The following ADGRB1 variants were observed in gnomAD, a reference collection of about 807,000 sequenced individuals.
The protein encoded by ADGRB1 is brain-specific angiogenesis inhibitor 1.
Under a neutral mutation model 175.7 loss-of-function variants are expected in ADGRB1, and 36 were observed. The ratio of observed to expected loss-of-function variants is 0.20; its 90% CI spans 0.16 to 0.27. The LOEUF (loss-of-function observed/expected upper bound fraction) is 0.27. Ranked by LOEUF, ADGRB1 falls within the 10% of genes least tolerant of loss-of-function variation. The probability of loss-of-function intolerance (pLI) is 1.00; values close to 1 mark genes in which losing one functional copy is unlikely to be tolerated. For synonymous variants in ADGRB1, 1,054 were observed against 979.4 expected (o/e 1.08, Z -1.42); for missense variants, 1,731 against 2,255.3 (o/e 0.77, Z 4.71).
intron 2 of ADGRB1, among the ~76,000 whole-genome samples, chr8:142,467,817 C>T (rs960096155): frequency 2.0e-5 from 3 of 152,194 alleles, no homozygotes; most frequent in Non-Finnish European, 2.9e-5. Context: ...GTAAAAATAT[C>T]TTGTTTCTTA....
intron 17 of ADGRB1, among the ~76,000 whole-genome samples, chr8:142,508,096 C>T (rs1413810552): frequency 6.6e-6 from 1 of 152,162 alleles, no homozygotes; most frequent in African/African-American, 2.4e-5. Flanking sequence ...CCGGGGCCTA[C>T]AGCTGAACCT....
At chr8:142,513,224 A>C (rs1160619657) in intron 18 of ADGRB1, among the ~76,000 whole-genome samples, 2 of 152,170 alleles carry the variant, frequency 1.3e-5, no homozygotes, top group South Asian at 2.1e-4. Context: ...TGGGAGCCTC[A>C]GTGTCCTCAT....
chr8:142,520,677 G>A, intron 19 of ADGRB1, 146 bp from the exon 20 acceptor site: 1 of 635,396 alleles, frequency 1.6e-6, no homozygotes, highest in Non-Finnish European at 2.9e-6. Context: ...GATGGTGGCG[G>A]TGATGATGGT....
intron 17 of ADGRB1, among the ~76,000 whole-genome samples, chr8:142,502,301 CAG>C (rs1491083358): frequency 2.6e-4 from 35 of 135,240 alleles, no homozygotes; most frequent in Non-Finnish European, 4.7e-5. Flanking sequence ...TTGATTATGA[CAG>C]TGGTGATGGT....
intron 17 of ADGRB1, among the ~76,000 whole-genome samples, chr8:142,505,494 G>A (rs1842808960): frequency 6.6e-6 from 1 of 152,100 alleles, no homozygotes; most frequent in South Asian, 2.1e-4. Context: ...CTGCACTGGG[G>A]CTGAGGGCGA....
chr8:142,533,595 C>T (rs1479876298), intron 25 of ADGRB1, 129 bp downstream of exon 25: 3 of 1,110,610 alleles, frequency 2.7e-6, no homozygotes, highest in African/African-American at 1.6e-5. Flanking sequence ...CCTGACACAT[C>T]TGCAGGCCTC....
chr8:142,527,577 C>A (rs558279999), intron 24 of ADGRB1, among the ~76,000 whole-genome samples: 2 of 152,136 alleles, frequency 1.3e-5, no homozygotes, highest in African/African-American at 4.8e-5. Context: ...GTGGGAGTCG[C>A]GGTGCTTTGT....
chr8:142,479,355 G>A lies in ADGRB1; in HGVS notation c.1594G>A (p.Gly532Ser), dbSNP rs770141838. The A allele has an allele frequency of 4.6e-6, 7 of 1,532,724 alleles. No individual in the cohort carries two copies. The South Asian group carries it at 8.7e-5, about 19-fold the overall frequency. The allele number at this position is 1,532,724 out of a possible 1,614,324, so 94.9% of individuals were successfully genotyped here. ...DGKWQAWASW[G>S]SCSVTCGAGS... ...CAAGTGGCAGGCCTGGGCGTCATGG[G>A]GCAGTTGCAGCGTCACGTGTGGGGC... Residue 532 changes from glycine (G) to serine (S), a missense_variant, in exon 8 of 31, where the codon GGC becomes AGC. Transcript: ENST00000517894.
chr8:142,527,324 C>A (rs905437538), intron 24 of ADGRB1, among the ~76,000 whole-genome samples: 6 of 152,334 alleles, frequency 3.9e-5, no homozygotes, highest in African/African-American at 1.4e-4. Flanking sequence ...GTCATCCAGC[C>A]CTGGCTGGTG....
chr8:142,508,830 C>T (rs1842951830), intron 17 of ADGRB1, among the ~76,000 whole-genome samples: 1 of 152,220 alleles, frequency 6.6e-6, no homozygotes, highest in South Asian at 2.1e-4. Context: ...CCTCATGCTT[C>T]TAAACCCTGG....
rs1251558230 is a variant in ADGRB1 at position 142,488,344 on chromosome 8, G to A, written c.2309-20G>A. On this transcript the variant is annotated intron_variant, in intron 13 of 30. Transcript: ENST00000517894. Reference sequence around the variant, plus strand: ...ACTTTCCCTCCTCTCTGTCTCTCCCGCCTTTGACCCTGCTCCCAGTTCTCA... The same window carrying A: ...ACTTTCCCTCCTCTCTGTCTCTCCCACCTTTGACCCTGCTCCCAGTTCTCA... 16 of 1,612,348 alleles carry A rather than the reference G, an allele frequency of 9.9e-6. No homozygotes were observed. The highest frequency in any genetic ancestry group is 3.3e-5 in the South Asian group (3 of 91,046).
chr8:142,476,544 G>A (rs761821598), intron 3 of ADGRB1, 41 bp from the exon 4 acceptor site: 59 of 1,523,150 alleles, frequency 3.9e-5, no homozygotes, highest in Non-Finnish European at 5.0e-5. Flanking sequence ...GAGGACGGGG[G>A]CAAAGAACCG....
At chr8:142,497,094 A>G (rs1842251508) in intron 17 of ADGRB1, among the ~76,000 whole-genome samples, 1 of 152,254 alleles carries the variant, frequency 6.6e-6, no homozygotes. Context: ...AGGCTGTCTC[A>G]GCTCACACGT....
In ADGRB1 at chr8:142,543,672, G is replaced by C. The variant is rs368754572; in HGVS notation, c.4521G>C (p.Ala1507=). The C allele has an allele frequency of 3.1e-5, 48 of 1,564,152 alleles. No homozygotes were observed. The highest frequency in any genetic ancestry group is 6.1e-6 in the Non-Finnish European group (7 of 1,154,760). The part of the protein sequence containing the change: ...QDLNRKLQHA[A]EKDKEVLGPD... ...TGAACCGGAAGCTGCAGCACGCAGC[G>C]GAGAAGGACAAGGAGGTGCTGGGGC... is the stretch of plus-strand genomic sequence containing the variant. The change falls in exon 30 of 31, where the codon GCG becomes GCC. Residue 1507 remains alanine, a synonymous_variant. Coordinates refer to ENST00000517894, the MANE Select transcript of ADGRB1 (RefSeq NM_001702.3). This position sits in a 1 kb window ranked among gnomAD's most constrained non-coding sequence, Gnocchi z 4.4.
In ADGRB1 at chr8:142,493,419, C is replaced by T. The variant is rs1842072950; in HGVS notation, c.2675+2604C>T. ...TTGGCGTCCGCGTGGCCTCTGTCGACCCTAAAAGTCACAGGTGTGGGGAAG... is the reference window on the plus strand; with the variant it reads ...TTGGCGTCCGCGTGGCCTCTGTCGATCCTAAAAGTCACAGGTGTGGGGAAG... On this transcript the variant is annotated intron_variant, in intron 17 of 30. Coordinates refer to ENST00000517894, the MANE Select transcript of ADGRB1 (RefSeq NM_001702.3). This position sits in a 1 kb window ranked among gnomAD's most constrained non-coding sequence, Gnocchi z 5.0. 2.0e-5 allele frequency among the ~76,000 whole-genome samples: 3 copies of T among 152,258 alleles called. No individual in the cohort carries two copies. The highest frequency in any genetic ancestry group is 2.1e-4 in the South Asian group (1 of 4,830).
intron 1 of ADGRB1, among the ~76,000 whole-genome samples, chr8:142,458,290 T>TG (rs1173790167): frequency 6.6e-6 from 1 of 152,006 alleles, no homozygotes; most frequent in Non-Finnish European, 1.5e-5. Flanking sequence ...GAAACCGAGG[T>TG]GCAGGGTGTG....
chr8:142,475,681 G>A, intron 3 of ADGRB1, 46 bp downstream of exon 3: 5 of 1,221,938 alleles, frequency 4.1e-6, no homozygotes, highest in Non-Finnish European at 5.1e-6. Context: ...TGGAGAGGCG[G>A]GGCCTGTGAG....
At chr8:142,505,907 G>A (rs1039218387) in intron 17 of ADGRB1, among the ~76,000 whole-genome samples, 1 of 152,194 alleles carries the variant, frequency 6.6e-6, no homozygotes, top group Admixed American at 6.5e-5. Context: ...GCAGCTGCAG[G>A]GAGGTGGGGG....
chr8:142,454,220 G>C (rs1197892560), intron 1 of ADGRB1, among the ~76,000 whole-genome samples: 3 of 152,166 alleles, frequency 2.0e-5, no homozygotes, highest in Non-Finnish European at 4.4e-5. Flanking sequence ...TGCACAAGAC[G>C]CAGGCCACAT....
Sources: allele counts gnomAD v4.1 joint callset (sites outside exome capture counted in the v4.1 genomes callset), GRCh38; gene constraint gnomAD v4.1.1; non-coding constraint Gnocchi (gnomAD v3.1); transcripts MANE v1.5; gene names NCBI Gene and HGNC (gene_info 2026-07-23, HGNC 2026-07-21).